USP34: variants seen among roughly 807,000 people sequenced by gnomAD.
USP34 encodes the protein ubiquitin carboxyl-terminal hydrolase 34.
USP34 carries 70 observed loss-of-function variants against 460.3 expected under a neutral mutation model. That is an observed-to-expected ratio of 0.15 (90% CI 0.13 to 0.19). The LOEUF (loss-of-function observed/expected upper bound fraction) is 0.19, where lower values mean the gene tolerates loss of function less well. USP34 is among the 10% of genes least tolerant of loss of function. The probability of loss-of-function intolerance (pLI) is 1.00; values close to 1 mark genes in which losing one functional copy is unlikely to be tolerated. For missense variants in USP34, 3,985 were observed against 4,236.2 expected (o/e 0.94, Z 1.65); for synonymous variants, 1,647 against 1,405.3 (o/e 1.17, Z -3.85).
At chr2:61,470,399 C>A (rs1228163240) in intron 1 of USP34, among the ~76,000 whole-genome samples, 1 of 151,642 alleles carries the variant, frequency 6.6e-6, no homozygotes, top group Non-Finnish European at 1.5e-5. Context: ...TTTCCGAGAG[C>A]CCAGAGCGCC....
chr2:61,296,035 G>C (rs1265485738), intron 30 of USP34, among the ~76,000 whole-genome samples: 1 of 152,162 alleles, frequency 6.6e-6, no homozygotes, highest in African/African-American at 2.4e-5. Flanking sequence ...GAGATGGGCA[G>C]ATCATTTGAA....
intron 1 of USP34, among the ~76,000 whole-genome samples, chr2:61,424,988 T>G (rs902134315): frequency 6.6e-6 from 1 of 151,988 alleles, no homozygotes; most frequent in African/African-American, 2.4e-5. Context: ...CCCGGCTAAT[T>G]TTTGTATTTT....
chr2:61,238,502 A>C (rs557471551), intron 53 of USP34, among the ~76,000 whole-genome samples: 64 of 152,288 alleles, frequency 4.2e-4, no homozygotes, highest in African/African-American at 1.5e-3. Flanking sequence ...AAGAATCATT[A>C]CAATTTATAA....
Position 61,394,993 on chromosome 2 carries a change from C to A in USP34, c.613G>T (p.Val205Leu). 4 of 1,579,464 alleles carry A rather than the reference C, an allele frequency of 2.5e-6. No homozygotes were observed. In the South Asian group the frequency reaches 3.6e-5, roughly 14 times the overall value. ...GAFCDMNDVEVPLHLLRYVCL... is the reference protein window; with the variant it reads ...GAFCDMNDVELPLHLLRYVCL... ...ACATAACGAAGCAAATGCAATGGTA[C>A]TTCTACATCCTGGGAAAATAAAGAA... Residue 205 changes from valine (V) to leucine (L), a missense_variant, in exon 5 of 80, where the codon GTA becomes TTA. Coordinates refer to ENST00000398571, the MANE Select transcript of USP34 (RefSeq NM_014709.4).
intron 1 of USP34, among the ~76,000 whole-genome samples, chr2:61,447,295 T>C (rs889189952): frequency 7.8e-6 from 1 of 128,538 alleles, no homozygotes; most frequent in Non-Finnish European, 1.6e-5. Flanking sequence ...AGAAAACATA[T>C]ATAATTCCAC....
intron 2 of USP34, among the ~76,000 whole-genome samples, chr2:61,410,790 T>G (rs1176877112): frequency 6.6e-6 from 1 of 152,044 alleles, no homozygotes; most frequent in African/African-American, 2.4e-5. Flanking sequence ...GGAAAAATAG[T>G]AAGTAATTCA....
chr2:61,363,172 A>G (rs984782593), intron 10 of USP34, among the ~76,000 whole-genome samples: 1 of 152,182 alleles, frequency 6.6e-6, no homozygotes, highest in South Asian at 2.1e-4. Flanking sequence ...ATTCACACCT[A>G]CTAGGATAGC....
chr2:61,430,616 A>G (rs1312326138), intron 1 of USP34, among the ~76,000 whole-genome samples: 1 of 152,222 alleles, frequency 6.6e-6, no homozygotes, highest in African/African-American at 2.4e-5. Context: ...ACCTTATTGT[A>G]TGTAAATTAT....
At chr2:61,227,711 A>G (rs1157597608) in intron 61 of USP34, among the ~76,000 whole-genome samples, 1 of 140,718 alleles carries the variant, frequency 7.1e-6, no homozygotes, top group African/African-American at 2.9e-5. Context: ...ACTCTGTCTC[A>G]AAAACAAACA....
At chr2:61,229,470 A>AAAAAC in intron 59 of USP34, 78 bp downstream of exon 59, 1 of 680,858 alleles carries the variant, frequency 1.5e-6, no homozygotes, top group Non-Finnish European at 2.1e-6. Context: ...AAAAAAAAAA[A>AAAAAC]AAAAACAAAA....
chr2:61,395,125 G>A, intron 4 of USP34, 58 bp downstream of exon 4: 3 of 1,449,504 alleles, frequency 2.1e-6, no homozygotes, highest in South Asian at 1.3e-5. Flanking sequence ...ACATATGGAT[G>A]AGGCTTTGTT....
At chr2:61,438,186 G>A (rs902742976) in intron 1 of USP34, among the ~76,000 whole-genome samples, 3 of 152,050 alleles carry the variant, frequency 2.0e-5, no homozygotes, top group East Asian at 1.9e-4. Context: ...AGGAATACAA[G>A]GATAATTTAA....
At chr2:61,390,529 TTAAAGAA>T (rs1558566359) in intron 5 of USP34, among the ~76,000 whole-genome samples, 7 of 152,226 alleles carry the variant, frequency 4.6e-5, no homozygotes, top group Non-Finnish European at 8.8e-5. Context: ...GCAGCTGTTA[TTAAAGAA>T]CGGATCCATA....
intron 10 of USP34, among the ~76,000 whole-genome samples, chr2:61,358,193 A>AAAAT (rs75593990): frequency 0.053 from 7,883 of 148,616 alleles, 400 homozygotes; most frequent in African/African-American, 0.14. Flanking sequence ...GATTCCATCT[A>AAAAT]AAATAAATAA....
intron 2 of USP34, among the ~76,000 whole-genome samples, chr2:61,419,672 T>A (rs1424029437): frequency 1.3e-5 from 2 of 152,106 alleles, no homozygotes; most frequent in African/African-American, 4.8e-5. Context: ...AGTGTAGATT[T>A]TTTTCCTAGT....
intron 2 of USP34, among the ~76,000 whole-genome samples, chr2:61,420,212 AAAAT>A (rs1694316449): frequency 6.6e-6 from 1 of 152,316 alleles, no homozygotes; most frequent in African/African-American, 2.4e-5. Flanking sequence ...TCAAGGGAAA[AAAAT>A]TATTAGCAAA....
At chr2:61,466,761 A>T (rs751274439) in intron 1 of USP34, among the ~76,000 whole-genome samples, 154 of 152,098 alleles carry the variant, frequency 1.0e-3, no homozygotes, top group Non-Finnish European at 1.7e-3. Context: ...AAAATACAAA[A>T]ATTAGCCAGG....
chr2:61,232,859 TTCC>T (rs1687949899), intron 57 of USP34, among the ~76,000 whole-genome samples: 9 of 37,800 alleles, frequency 2.4e-4, no homozygotes, highest in Admixed American at 2.2e-3. Context: ...TATATATATA[TTCC>T]CCCCCCCCTT....
intron 15 of USP34, among the ~76,000 whole-genome samples, chr2:61,347,327 A>G (rs1691802337): frequency 1.3e-5 from 2 of 152,090 alleles, no homozygotes; most frequent in Non-Finnish European, 2.9e-5. Flanking sequence ...GGCATTGTGG[A>G]TATTATTGGT....
Sources: allele counts gnomAD v4.1 joint callset (sites outside exome capture counted in the v4.1 genomes callset), GRCh38; gene constraint gnomAD v4.1.1; transcripts MANE v1.5; gene names NCBI Gene and HGNC (gene_info 2026-07-23, HGNC 2026-07-21).